Variants in MYBPC1 observed in about 807,000 individuals in gnomAD.
MYBPC1 encodes myosin-binding protein C, slow-type.
MYBPC1 carries 52 observed loss-of-function variants against 147.1 expected under a neutral mutation model. That is an observed-to-expected ratio of 0.35 (90% CI 0.28 to 0.45). MYBPC1 has a LOEUF of 0.45. MYBPC1 is among the 20% of genes least tolerant of loss of function. The pLI is 1.00. For synonymous variants in MYBPC1, 477 were observed against 475.9 expected, an observed-to-expected ratio of 1.00 and a Z score of -0.03; for missense variants, 1,228 against 1,440.3, an observed-to-expected ratio of 0.85 and a Z score of 2.39.
Position 101,680,446 on chromosome 12 carries a change from G to A in MYBPC1, c.3350G>A (p.Ser1117Asn). The part of the protein sequence containing the change: ...GVCTLEIRKP[S>N]PYDGGTYCCK... ...TGTACCCTGGAAATTCGCAAGCCCA[G>A]CCCCTATGATGGAGGCACTTACTGC... is the stretch of plus-strand genomic sequence containing the variant. The change falls in exon 29 of 32, where the codon AGC becomes AAC. Residue 1117 changes from serine to asparagine, a missense_variant. Transcript: ENST00000361466. The A allele has an allele frequency of 6.2e-7, 1 of 1,614,148 alleles. No individual in the cohort carries two copies.
intron 10 of MYBPC1, 115 bp from the exon 11 acceptor site, chr12:101,642,304 G>A: frequency 8.9e-7 from 1 of 1,118,916 alleles, no homozygotes. Flanking sequence ...CAAGTACTCA[G>A]GCTTTAAACA....
chr12:101,659,655 G>A lies in MYBPC1; in HGVS notation c.1768-17G>A, dbSNP rs1217258874. On this transcript the variant is annotated splice_polypyrimidine_tract_variant and intron_variant, in intron 18 of 31. Transcript: ENST00000361466. Reference sequence around the variant, plus strand: ...TATTGTGTAAATCATGCCACATTTTGTTTCTCCACTTCTTAGGCTATTATG... The same window carrying A: ...TATTGTGTAAATCATGCCACATTTTATTTCTCCACTTCTTAGGCTATTATG... 6.2e-7 allele frequency: 1 copy of A among 1,613,818 alleles called. No homozygotes were observed. Among genetic ancestry groups the A allele is most frequent in the Non-Finnish European group, 8.5e-7 (1 of 1,179,860 alleles).
At chr12:101,618,041 G>A (rs1301175902) in intron 3 of MYBPC1, among the ~76,000 whole-genome samples, 2 of 152,108 alleles carry the variant, frequency 1.3e-5, no homozygotes, top group Middle Eastern at 3.2e-3. Context: ...TTTGCATAAT[G>A]AATAAAAAAG....
chr12:101,680,443 C>T lies in MYBPC1; in HGVS notation c.3347C>T (p.Pro1116Leu). Residue 1116 changes from proline to leucine, a missense_variant, in exon 29 of 32, where the codon CCC (proline) becomes CTC (leucine). Physicochemically the swap from Pro to Leu is moderately conservative, Grantham distance 98. Coordinates refer to ENST00000361466, the MANE Select transcript of MYBPC1 (RefSeq NM_002465.4). ...QGVCTLEIRK[P>L]SPYDGGTYCC... is the part of the protein sequence containing the mutation. ...GTCTGTACCCTGGAAATTCGCAAGC[C>T]CAGCCCCTATGATGGAGGCACTTAC... The T allele has an allele frequency of 6.2e-7, 1 of 1,614,060 alleles. No homozygotes were observed. The highest frequency in any genetic ancestry group is 8.5e-7 in the Non-Finnish European group (1 of 1,179,980).
At chr12:101,631,971 A>G in intron 7 of MYBPC1, 50 bp from the exon 8 acceptor site, 1 of 1,486,238 alleles carries the variant, frequency 6.7e-7, no homozygotes, top group Non-Finnish European at 9.4e-7. Flanking sequence ...AATGCTGAGA[A>G]ATTTGGAAAA....
chr12:101,651,581 T>C (rs1160992440), intron 16 of MYBPC1, among the ~76,000 whole-genome samples, 188 bp downstream of exon 16: 1 of 152,258 alleles, frequency 6.6e-6, no homozygotes, highest in African/African-American at 2.4e-5. Flanking sequence ...CTCATAATCC[T>C]GTATCTGTAC....
At chr12:101,683,812 T>C (rs940991620) in intron 30 of MYBPC1, among the ~76,000 whole-genome samples, 3 of 152,200 alleles carry the variant, frequency 2.0e-5, no homozygotes, top group Non-Finnish European at 4.4e-5. Flanking sequence ...AGGTTCTTTT[T>C]TGAAAGCTTT....
chr12:101,650,468 T>TACAA (rs397708468), intron 15 of MYBPC1, among the ~76,000 whole-genome samples: 1 of 151,808 alleles, frequency 6.6e-6, no homozygotes, highest in African/African-American at 2.4e-5. Context: ...CTTCTTCACA[T>TACAA]GGTGGCAGCA....
intron 28 of MYBPC1, among the ~76,000 whole-genome samples, chr12:101,679,882 A>G (rs73388486): frequency 1.4e-3 from 218 of 152,344 alleles, no homozygotes; most frequent in African/African-American, 4.7e-3. Flanking sequence ...ATTGTTTTTT[A>G]ATTTGAAAGT....
In MYBPC1 at chr12:101,673,440, C is replaced by G. The variant is rs1566001947; in HGVS notation, c.2627C>G (p.Pro876Arg). 2 of 1,612,642 alleles carry G rather than the reference C, an allele frequency of 1.2e-6. No individual in the cohort carries two copies. The highest frequency in any genetic ancestry group is 1.7e-6 in the Non-Finnish European group (2 of 1,179,918). ...LVIPFQGKPRPELTWKKDGAE... is the reference protein window; with the variant it reads ...LVIPFQGKPRRELTWKKDGAE... Reference sequence around the variant, plus strand: ...CTTTCTTTTTAGGGAAAACCAAGACCAGAATTAACTTGGAAGAAGGATGGT... The same window carrying G: ...CTTTCTTTTTAGGGAAAACCAAGACGAGAATTAACTTGGAAGAAGGATGGT... Residue 876 changes from proline to arginine, a missense_variant, in exon 25 of 32, where the codon CCA becomes CGA. Coordinates refer to ENST00000361466, the MANE Select transcript of MYBPC1 (RefSeq NM_002465.4).
chr12:101,694,910 G>A, the MYBPC1 span, among the ~76,000 whole-genome samples: 2 of 152,044 alleles, frequency 1.3e-5, no homozygotes, highest in Non-Finnish European at 2.9e-5. Flanking sequence ...AATATTAGTG[G>A]ACATATAAGT....
At chr12:101,631,838 C>T (rs1889962462) in intron 7 of MYBPC1, 119 bp downstream of exon 7, 1 of 1,468,618 alleles carries the variant, frequency 6.8e-7, no homozygotes, top group South Asian at 1.2e-5. Flanking sequence ...TCTGAAGTTA[C>T]CATTGCAGTG....
At position 101,635,497 on chromosome 12, in the gene MYBPC1, G is replaced by A. The variant is rs150658533; in HGVS notation, c.608+892G>A. 6.6e-5 allele frequency among the ~76,000 whole-genome samples: 10 copies of A among 152,080 alleles called. No individual in the cohort carries two copies. In the East Asian group the frequency reaches 1.7e-3, roughly 26 times the overall value. ...TTTGAAAAGTTATTTAATATTACTGGTATTAGGTATTTTTTAATTTTAAAA... is the reference window on the plus strand; with the variant it reads ...TTTGAAAAGTTATTTAATATTACTGATATTAGGTATTTTTTAATTTTAAAA... On this transcript the variant is annotated intron_variant, in intron 9 of 31. Coordinates refer to ENST00000361466, the MANE Select transcript of MYBPC1 (RefSeq NM_002465.4).
chr12:101,667,358 A>G (rs1307857660), intron 22 of MYBPC1, among the ~76,000 whole-genome samples: 1 of 152,320 alleles, frequency 6.6e-6, no homozygotes, highest in Non-Finnish European at 1.5e-5. Context: ...CTGAACTTTA[A>G]TGTGTATAGA....
intron 22 of MYBPC1, among the ~76,000 whole-genome samples, chr12:101,666,969 A>G (rs1372231129): frequency 6.6e-6 from 1 of 151,614 alleles, no homozygotes; most frequent in Non-Finnish European, 1.5e-5. Context: ...GAGAGGGAGC[A>G]GTGAGTTAAT....
chr12:101,632,183 G>T (rs200416291), intron 8 of MYBPC1, 45 bp downstream of exon 8: 4 of 1,295,958 alleles, frequency 3.1e-6, no homozygotes, highest in Admixed American at 1.7e-5. Flanking sequence ...TTTTAATGGG[G>T]TGTGAGGGGA....
At chr12:101,641,284 G>A (rs952895934) in intron 10 of MYBPC1, among the ~76,000 whole-genome samples, 11 of 151,992 alleles carry the variant, frequency 7.2e-5, no homozygotes, top group Admixed American at 3.9e-4. Flanking sequence ...TCAGCATTAC[G>A]GTAAGCAGTC....
intron 1 of MYBPC1, among the ~76,000 whole-genome samples, chr12:101,605,554 A>G (rs922278855): frequency 6.6e-6 from 1 of 152,180 alleles, no homozygotes; most frequent in African/African-American, 2.4e-5. Flanking sequence ...TGTGTCATAT[A>G]TTTACTGAAT....
At position 101,629,627 on chromosome 12, in the gene MYBPC1, C is replaced by T. The variant is rs2004898; in HGVS notation, c.289+83C>T. On this transcript the variant is annotated intron_variant, in intron 6 of 31. Coordinates refer to ENST00000361466, the MANE Select transcript of MYBPC1 (RefSeq NM_002465.4). ...GTGCCTCACGCCTGTAATCCCAGCA[C>T]TCTGGGAGGTCCAGACAGGCAGATC... 0.3 allele frequency: 270,785 copies of T among 887,910 alleles called. 39,082 individuals carry two copies. The highest frequency in any genetic ancestry group is 0.33 in the African/African-American group (18,784 of 56,560). 55.0% of individuals were successfully genotyped at this position (887,910 alleles called of 1,614,324 possible). A position where few individuals can be genotyped will look rare whatever the true frequency, so the allele number is the denominator to read the frequency against.
Sources: allele counts gnomAD v4.1 joint callset (sites outside exome capture counted in the v4.1 genomes callset), GRCh38; gene constraint gnomAD v4.1.1; transcripts MANE v1.5; gene names NCBI Gene and HGNC (gene_info 2026-07-23, HGNC 2026-07-21).